DNAJC1: variants seen among roughly 807,000 people sequenced by gnomAD.
The protein encoded by DNAJC1 is DnaJ heat shock protein family (Hsp40) member C1.
In DNAJC1, 58 loss-of-function variants were observed where a neutral mutation model predicts 76.6. The ratio of observed to expected loss-of-function variants is 0.76; its 90% CI spans 0.61 to 0.94. DNAJC1 has a LOEUF of 0.94. Ranked by LOEUF, DNAJC1 falls within the 40% of genes least tolerant of loss-of-function variation. The pLI, the probability that DNAJC1 is intolerant of heterozygous loss-of-function variation, is 0.00. For synonymous variants in DNAJC1, 258 were observed against 267.9 expected (o/e 0.96, Z 0.36); for missense variants, 689 against 677.3 (o/e 1.02, Z -0.19).
At chr10:21,774,140 CAAAAA>C (rs1285771891) in intron 9 of DNAJC1, among the ~76,000 whole-genome samples, 1 of 55,438 alleles carries the variant, frequency 1.8e-5, no homozygotes. Flanking sequence ...GACTCCGTCT[CAAAAA>C]AAAAAAAAAA....
intron 9 of DNAJC1, among the ~76,000 whole-genome samples, chr10:21,777,598 C>T (rs928573993): frequency 1.3e-5 from 2 of 152,164 alleles, no homozygotes; most frequent in Non-Finnish European, 2.9e-5. Flanking sequence ...AGTGATTTCA[C>T]TTTGAAGATA....
chr10:21,983,427 G>A (rs940552878), intron 1 of DNAJC1, among the ~76,000 whole-genome samples: 4 of 152,106 alleles, frequency 2.6e-5, no homozygotes, highest in Admixed American at 6.6e-5. Flanking sequence ...TCAAGAGTAA[G>A]CAAGTAGATT....
chr10:21,834,801 G>A (rs1041910764), intron 8 of DNAJC1, among the ~76,000 whole-genome samples: 1 of 152,204 alleles, frequency 6.6e-6, no homozygotes, highest in African/African-American at 2.4e-5. Flanking sequence ...CAAGTTAGTT[G>A]TTTGATTAGG....
chr10:21,966,434 A>AT (rs34646324), intron 1 of DNAJC1, among the ~76,000 whole-genome samples: 106,098 of 147,614 alleles, frequency 0.72, 38,220 homozygotes, highest in East Asian at 0.95. Context: ...TCTAGTGGTG[A>AT]TTTTTTTTTT....
intron 7 of DNAJC1, among the ~76,000 whole-genome samples, chr10:21,887,860 T>G (rs888956361): frequency 6.6e-6 from 1 of 152,006 alleles, no homozygotes; most frequent in East Asian, 1.9e-4. Context: ...CCAAAAGCAA[T>G]TGAAACAAAA....
intron 8 of DNAJC1, among the ~76,000 whole-genome samples, chr10:21,853,486 T>C (rs1389722734): frequency 6.6e-6 from 1 of 152,082 alleles, no homozygotes; most frequent in Non-Finnish European, 1.5e-5. Context: ...AAATTAGCAT[T>C]CAGGAGCACA....
At chr10:21,784,808 C>T (rs1482204794) in intron 9 of DNAJC1, among the ~76,000 whole-genome samples, 3 of 152,014 alleles carry the variant, frequency 2.0e-5, no homozygotes, top group Non-Finnish European at 4.4e-5. Context: ...GGACAGAAAA[C>T]CAAACACTGC....
At chr10:21,834,156 C>A (rs1398944423) in intron 8 of DNAJC1, among the ~76,000 whole-genome samples, 1 of 151,782 alleles carries the variant, frequency 6.6e-6, no homozygotes, top group Non-Finnish European at 1.5e-5. Flanking sequence ...CCCAGCTACT[C>A]GGGAGGCTGA....
At chr10:21,761,821 A>G (rs534544347) in intron 10 of DNAJC1, among the ~76,000 whole-genome samples, 4 of 152,312 alleles carry the variant, frequency 2.6e-5, no homozygotes, top group African/African-American at 9.6e-5. Context: ...TTTTGTTACT[A>G]CTAACAAGTG....
intron 1 of DNAJC1, among the ~76,000 whole-genome samples, chr10:21,999,482 G>A (rs1590087096): frequency 8.0e-6 from 1 of 125,646 alleles, no homozygotes; most frequent in Non-Finnish European, 1.6e-5. Context: ...TTGAGACGGA[G>A]TCTCGCTCTG....
At chr10:21,891,500 A>T (rs1836462794) in intron 7 of DNAJC1, among the ~76,000 whole-genome samples, 1 of 149,928 alleles carries the variant, frequency 6.7e-6, no homozygotes, top group Admixed American at 6.6e-5. Flanking sequence ...AAAAAAGAAA[A>T]GAAAAAAAAA....
chr10:22,003,520 A>G lies in DNAJC1; in HGVS notation c.-86T>C. On this transcript the variant is annotated 5_prime_UTR_variant, in exon 1 of 12. Coordinates refer to ENST00000376980, the MANE Select transcript of DNAJC1 (RefSeq NM_022365.4). ...GCGGGCGGCGCTGGCTGTGGGGAAC[A>G]GCGCCTGTCAGTGAAAAGCGCGGGC... 2 of 1,266,032 alleles carry G rather than the reference A, an allele frequency of 1.6e-6. No individual in the cohort carries two copies. The highest frequency in any genetic ancestry group is 2.0e-6 in the Non-Finnish European group (2 of 1,007,270). The allele number at this position is 1,266,032 out of a possible 1,614,324, so 78.4% of individuals were successfully genotyped here.
chr10:21,966,593 C>T (rs1048495450), intron 1 of DNAJC1, among the ~76,000 whole-genome samples: 3 of 151,866 alleles, frequency 2.0e-5, no homozygotes, highest in African/African-American at 4.8e-5. Context: ...CCCTTACTAT[C>T]GTCATTCTGT....
intron 8 of DNAJC1, among the ~76,000 whole-genome samples, chr10:21,844,909 AGCCCAAGCTACCCAGG>A (rs1835630515): frequency 1.3e-5 from 2 of 152,184 alleles, no homozygotes; most frequent in South Asian, 2.1e-4. Flanking sequence ...GCCTACCTGT[AGCCCAAGCTACCCAGG>A]AGGCTGGAGC....
rs902520888 is a variant in DNAJC1, at chr10:21,919,834, T to G, written c.633A>C (p.Glu211Asp). The G allele has an allele frequency of 6.3e-7, 1 of 1,599,890 alleles. No individual in the cohort carries two copies. Among genetic ancestry groups the G allele is most frequent in the African/African-American group, 1.4e-5 (1 of 74,002 alleles). ...AAAGTATTTTTATATGCTCTCACCT[T>G]TCATTTTTTTCTGAAGCACCGAGTT... ...VSKLGASEKN[E>D]RLLMKPQWHD... is the part of the protein sequence containing the mutation. Residue 211 changes from glutamate to aspartate, a missense_variant and splice_region_variant, in exon 5 of 12, where the codon GAA becomes GAC. Transcript: ENST00000376980.
At chr10:21,862,059 C>T (rs1425561229) in intron 8 of DNAJC1, among the ~76,000 whole-genome samples, 2 of 152,022 alleles carry the variant, frequency 1.3e-5, no homozygotes, top group Non-Finnish European at 2.9e-5. Flanking sequence ...GCTAGGATTA[C>T]AGGCATGCAC....
At chr10:21,800,431 G>A (rs1834800673) in intron 9 of DNAJC1, among the ~76,000 whole-genome samples, 2 of 152,092 alleles carry the variant, frequency 1.3e-5, no homozygotes, top group African/African-American at 4.8e-5. Context: ...GCAATCTCTA[G>A]TTCTAGGCAC....
chr10:21,961,401 T>C (rs1295724324), intron 1 of DNAJC1, among the ~76,000 whole-genome samples: 3 of 152,136 alleles, frequency 2.0e-5, no homozygotes, highest in Non-Finnish European at 4.4e-5. Flanking sequence ...ATAAAAAGGA[T>C]TGAGGTACTG....
At chr10:21,811,982 G>A (rs754048155) in intron 8 of DNAJC1, among the ~76,000 whole-genome samples, 1 of 151,644 alleles carries the variant, frequency 6.6e-6, no homozygotes, top group Non-Finnish European at 1.5e-5. Context: ...ATGGTCAGTT[G>A]TTTTAATTTT....
Sources: gnomAD v4.1 joint callset for allele counts (sites outside exome capture counted in the v4.1 genomes callset) on GRCh38, gnomAD v4.1.1 for gene constraint, MANE v1.5 for transcripts, NCBI Gene and HGNC (gene_info 2026-07-23, HGNC 2026-07-21) for gene names.